The following EXOC2 variants were observed in gnomAD, a reference collection of about 807,000 sequenced individuals.
The protein encoded by EXOC2 is SEC5-like 1.
In EXOC2, 70 loss-of-function variants were observed where a neutral mutation model predicts 131.8. That is an observed-to-expected ratio of 0.53 (90% CI 0.44 to 0.65). The LOEUF (loss-of-function observed/expected upper bound fraction) is 0.65. Ranked by LOEUF, EXOC2 falls within the 30% of genes least tolerant of loss-of-function variation. EXOC2 has a pLI of 0.00. For synonymous variants in EXOC2, 411 were observed against 398.4 expected, an observed-to-expected ratio of 1.03 and a Z score of -0.38; for missense variants, 923 against 1,108.6, an observed-to-expected ratio of 0.83 and a Z score of 2.38.
intron 1 of EXOC2, among the ~76,000 whole-genome samples, chr6:687,166 A>ATTTTTTTT (rs1302004539): frequency 1.3e-5 from 1 of 79,042 alleles, no homozygotes; most frequent in Non-Finnish European, 2.7e-5. Context: ...TTATCAAATA[A>ATTTTTTTT]TATTCTTTTT....
At chr6:655,100 T>C (rs1763011017) in intron 1 of EXOC2, among the ~76,000 whole-genome samples, 1 of 152,104 alleles carries the variant, frequency 6.6e-6, no homozygotes, top group Non-Finnish European at 1.5e-5. Flanking sequence ...ACCCAAAGCA[T>C]CCCATGCTAA....
At chr6:488,073 C>T (rs1387596571) in intron 27 of EXOC2, among the ~76,000 whole-genome samples, 1 of 152,242 alleles carries the variant, frequency 6.6e-6, no homozygotes, top group Non-Finnish European at 1.5e-5. Flanking sequence ...ATTGTGCAGG[C>T]ACTGTCTGCA....
chr6:641,201 G>A (rs1033568451), intron 1 of EXOC2, among the ~76,000 whole-genome samples: 30 of 151,996 alleles, frequency 2.0e-4, no homozygotes, highest in Non-Finnish European at 1.0e-4. Context: ...TGTCTAAAAC[G>A]GACCACCAAG....
chr6:682,493 C>T (rs1764457568), intron 1 of EXOC2, among the ~76,000 whole-genome samples: 1 of 152,174 alleles, frequency 6.6e-6, no homozygotes, highest in Admixed American at 6.5e-5. Flanking sequence ...AGCCACCGCG[C>T]CCGGCCCCGA....
At chr6:652,303 CT>C (rs1762870159) in intron 1 of EXOC2, among the ~76,000 whole-genome samples, 1 of 152,162 alleles carries the variant, frequency 6.6e-6, no homozygotes, top group African/African-American at 2.4e-5. Flanking sequence ...GGAAACACAT[CT>C]TAGTAAGCCA....
chr6:661,842 T>C (rs1469231321), intron 1 of EXOC2, among the ~76,000 whole-genome samples: 1 of 152,166 alleles, frequency 6.6e-6, no homozygotes, highest in African/African-American at 2.4e-5. Flanking sequence ...AATGCTCCAC[T>C]TAAAAGATAC....
At chr6:598,726 A>T (rs1227784444) in intron 9 of EXOC2, 134 bp downstream of exon 9, 10 of 638,374 alleles carry the variant, frequency 1.6e-5, no homozygotes, top group South Asian at 2.3e-5. Flanking sequence ...TTTCTGAAGT[A>T]ATTGCTTTAC....
chr6:653,311 T>C (rs138116658), intron 1 of EXOC2, among the ~76,000 whole-genome samples: 51 of 152,352 alleles, frequency 3.3e-4, no homozygotes, highest in African/African-American at 1.2e-3. Flanking sequence ...GACCTGACAG[T>C]CTAAAGCCAG....
chr6:658,665 ATTTTT>A (rs10657323), intron 1 of EXOC2, among the ~76,000 whole-genome samples: 3 of 115,526 alleles, frequency 2.6e-5, no homozygotes, highest in Non-Finnish European at 3.5e-5. Context: ...ATATATATAT[ATTTTT>A]TTTTTTTTTA....
chr6:632,854 G>A, intron 3 of EXOC2, 87 bp downstream of exon 3: 1 of 1,322,746 alleles, frequency 7.6e-7, no homozygotes, highest in Admixed American at 2.3e-5. Flanking sequence ...AAGTAGGTAG[G>A]TTTTACACGA....
At chr6:496,949 G>A (rs149306768) in intron 25 of EXOC2, among the ~76,000 whole-genome samples, 22 of 152,218 alleles carry the variant, frequency 1.4e-4, no homozygotes, top group East Asian at 5.8e-4. Context: ...TGGTGTTTAC[G>A]GCAGTTATAA....
At chr6:540,085 C>T (rs1218564467) in intron 22 of EXOC2, among the ~76,000 whole-genome samples, 1 of 152,182 alleles carries the variant, frequency 6.6e-6, no homozygotes, top group Non-Finnish European at 1.5e-5. Context: ...TTAGCGAGGG[C>T]TTCCAAGCCA....
chr6:573,727 A>G (rs189065464), intron 12 of EXOC2, among the ~76,000 whole-genome samples: 3 of 152,060 alleles, frequency 2.0e-5, no homozygotes, highest in African/African-American at 4.8e-5. Context: ...TTAATGATTT[A>G]ATAATTTAAA....
chr6:650,450 C>G (rs1480055790), intron 1 of EXOC2, among the ~76,000 whole-genome samples: 1 of 151,218 alleles, frequency 6.6e-6, no homozygotes, highest in Non-Finnish European at 1.5e-5. Context: ...AAACTAAAAA[C>G]TTTAATAATA....
At chr6:498,352 C>G (rs1482958822) in intron 24 of EXOC2, among the ~76,000 whole-genome samples, 3 of 152,238 alleles carry the variant, frequency 2.0e-5, no homozygotes, top group African/African-American at 7.2e-5. Flanking sequence ...CCACAGATCT[C>G]ACAGTTCTGC....
At chr6:568,586 G>A (rs1457097335) in intron 13 of EXOC2, among the ~76,000 whole-genome samples, 1 of 152,084 alleles carries the variant, frequency 6.6e-6, no homozygotes, top group East Asian at 1.9e-4. Context: ...TGGTTCTATT[G>A]CCCTGGAGCA....
rs796802237 is a variant in EXOC2, at chr6:571,058, G to A, written c.1443+1462C>T. On this transcript the variant is annotated intron_variant, in intron 13 of 27. Transcript: ENST00000230449. ...AGCAGAGTACTGGAAAGACTTATCA[G>A]GACAAAACTGAAATTATTCACTTCC... 2.6e-5 allele frequency among the ~76,000 whole-genome samples: 4 copies of A among 152,274 alleles called. 1 individual carries two copies. Among genetic ancestry groups the A allele is most frequent in the African/African-American group, 9.6e-5 (4 of 41,540 alleles).
chr6:688,762 C>G (rs1235527514), intron 1 of EXOC2, among the ~76,000 whole-genome samples: 1 of 152,186 alleles, frequency 6.6e-6, no homozygotes, highest in Non-Finnish European at 1.5e-5. Flanking sequence ...CCCCTCTGCA[C>G]CTTTCTTCAT....
intron 25 of EXOC2, among the ~76,000 whole-genome samples, chr6:495,376 G>A (rs986745454): frequency 5.3e-5 from 8 of 150,828 alleles, no homozygotes; most frequent in South Asian, 2.1e-4. Context: ...CGCCCGCCTC[G>A]GCCTCCCAAA....
Sources: gnomAD v4.1 joint callset for allele counts (sites outside exome capture counted in the v4.1 genomes callset) on GRCh38, gnomAD v4.1.1 for gene constraint, MANE v1.5 for transcripts, NCBI Gene and HGNC (gene_info 2026-07-23, HGNC 2026-07-21) for gene names.